OR10G4: variants seen among roughly 807,000 people sequenced by gnomAD.
OR10G4 encodes the protein olfactory receptor family 10 subfamily G member 4.
For synonymous variants in OR10G4, 130 were observed against 159.3 expected (o/e 0.82, Z 1.39); for missense variants, 318 against 388.8 (o/e 0.82, Z 1.53).
In OR10G4 at chr11:124,016,118, C is replaced by T. The variant is rs761865468; in HGVS notation, c.544C>T (p.Pro182Ser). Reference sequence around the variant, plus strand: ...CCAGCACTACTTCTGTGACGCACCGCCCATCCTGAAACTGGCCTGTGCAGA... The same window carrying T: ...CCAGCACTACTTCTGTGACGCACCGTCCATCCTGAAACTGGCCTGTGCAGA... ...QIQHYFCDAP[P>S]ILKLACADTS... is the part of the protein sequence containing the mutation. The change falls in exon 2 of 2, where the codon CCC becomes TCC. Residue 182 changes from proline (P) to serine (S), a missense_variant. Coordinates refer to ENST00000641722, the MANE Select transcript of OR10G4 (RefSeq NM_001004462.2). The T allele has an allele frequency of 1.9e-6, 3 of 1,613,990 alleles. No homozygotes were observed. The highest frequency in any genetic ancestry group is 2.5e-6 in the Non-Finnish European group (3 of 1,179,902).
chr11:124,016,034 C>A lies in OR10G4; in HGVS notation c.460C>A (p.His154Asn). 1.2e-6 allele frequency: 2 copies of A among 1,613,972 alleles called. No homozygotes were observed. The highest frequency in any genetic ancestry group is 2.2e-5 in the South Asian group (2 of 91,076). Reference sequence around the variant, plus strand: ...CGGCACTTGGCTCAGTGGCTCTCTGCACTCTGCTGTCCAGACCATATTGAC... The same window carrying A: ...CGGCACTTGGCTCAGTGGCTCTCTGAACTCTGCTGTCCAGACCATATTGAC... ...ATGTWLSGSLHSAVQTILTFH... is the reference protein window; with the variant it reads ...ATGTWLSGSLNSAVQTILTFH... Residue 154 changes from histidine to asparagine, a missense_variant, in exon 2 of 2, where the codon CAC becomes AAC. Transcript: ENST00000641722.
At position 124,018,392 on chromosome 11, in the gene OR10G4, C is replaced by T. The variant is rs2137555777; in HGVS notation, c.*1882C>T. 6.7e-6 allele frequency: 1 copy of T among 149,210 alleles called. No homozygotes were observed. The highest frequency in any genetic ancestry group is 6.7e-5 in the Admixed American group (1 of 14,860). The allele number at this position is 149,210 out of a possible 1,614,324, so 9.2% of individuals were successfully genotyped here. On this transcript the variant is annotated 3_prime_UTR_variant, in exon 2 of 2. Coordinates refer to ENST00000641722, the MANE Select transcript of OR10G4 (RefSeq NM_001004462.2). ...AAAGGCCCCCTTGTGTGATGTTCCC[C>T]TCCCTGTGTCCATGTGTTCTCATTG...
Position 124,015,646 on chromosome 11 carries a change from C to G in OR10G4, c.72C>G (p.Leu24=). 1.9e-6 allele frequency: 3 copies of G among 1,604,840 alleles called. No homozygotes were observed. The highest frequency in any genetic ancestry group is 1.1e-5 in the South Asian group (1 of 90,110). Residue 24 remains leucine (L), a synonymous_variant, in exon 2 of 2, where the codon CTC becomes CTG. Coordinates refer to ENST00000641722, the MANE Select transcript of OR10G4 (RefSeq NM_001004462.2). ...CCCATGCCCCAGGGCTGGACGCCCT[C>G]CTCTTTGGAATCTTCCTGGTGGTTT... ...GLPHAPGLDA[L]LFGIFLVVYV... is the part of the protein sequence containing the mutation.
In OR10G4 at chr11:124,015,663, T is replaced by C. The variant is rs182148733; in HGVS notation, c.89T>C (p.Leu30Pro). 1 of 1,608,296 alleles carries C rather than the reference T, an allele frequency of 6.2e-7. No individual in the cohort carries two copies. The highest frequency in any genetic ancestry group is 1.3e-5 in the African/African-American group (1 of 75,026). Residue 30 changes from leucine to proline, a missense_variant, in exon 2 of 2, where the codon CTG (leucine) becomes CCG (proline). Physicochemically the swap from Leu to Pro is moderately conservative, Grantham distance 98. Transcript: ENST00000641722. ...GACGCCCTCCTCTTTGGAATCTTCC[T>C]GGTGGTTTACGTGCTCACTGTGCTG... ...GLDALLFGIF[L>P]VVYVLTVLGN...
rs186743312 is a variant in OR10G4 at position 124,014,592 on chromosome 11, T to A, written c.-27-956T>A. On this transcript the variant is annotated intron_variant, in intron 1 of 1. Coordinates refer to ENST00000641722, the MANE Select transcript of OR10G4 (RefSeq NM_001004462.2). ...ACCTGGTACCTCAGTTGGAAATGCA[T>A]GTACGTATATATACATATATAACCT... 5.9e-5 allele frequency among the ~76,000 whole-genome samples: 9 copies of A among 152,348 alleles called. No homozygotes were observed. The East Asian group carries it at 1.5e-3, about 26-fold the overall frequency.
chr11:124,016,376 G>T lies in OR10G4; in HGVS notation c.802G>T (p.Asp268Tyr), dbSNP rs144812642. ...YLRPGSMDAM[D>Y]GVVAIFYTVL... Reference sequence around the variant, plus strand: ...GAGGCCAGGCTCCATGGATGCCATGGATGGAGTTGTGGCCATTTTCTACAC... The same window carrying T: ...GAGGCCAGGCTCCATGGATGCCATGTATGGAGTTGTGGCCATTTTCTACAC... The change falls in exon 2 of 2, where the codon GAT (aspartate) becomes TAT (tyrosine). Residue 268 changes from aspartate to tyrosine, a missense_variant. Coordinates refer to ENST00000641722, the MANE Select transcript of OR10G4 (RefSeq NM_001004462.2). 169 of 1,614,186 alleles carry T rather than the reference G, an allele frequency of 1.0e-4. No individual in the cohort carries two copies. Among genetic ancestry groups the T allele is most frequent in the Admixed American group, 5.2e-4 (31 of 60,018 alleles).
Position 124,016,761 on chromosome 11 carries a change from A to G in OR10G4, c.*251A>G. ...TAGGTTTATATTAAGTTTAAAACAT[A>G]TTTTAATCAAATCTCAGGGATAGAT... On this transcript the variant is annotated 3_prime_UTR_variant, in exon 2 of 2. Coordinates refer to ENST00000641722, the MANE Select transcript of OR10G4 (RefSeq NM_001004462.2). The G allele has an allele frequency of 3.4e-6, 1 of 296,446 alleles. No homozygotes were observed. Among genetic ancestry groups the G allele is most frequent in the Non-Finnish European group, 6.2e-6 (1 of 160,890 alleles). The allele number at this position is 296,446 out of a possible 1,614,324, so 18.4% of individuals were successfully genotyped here.
chr11:124,014,691 T>C (rs944486114), intron 1 of OR10G4, among the ~76,000 whole-genome samples: 1 of 152,218 alleles, frequency 6.6e-6, no homozygotes, highest in African/African-American at 2.4e-5. Context: ...ATGAGGAAAC[T>C]AGTGGATAAT....
Position 124,016,548 on chromosome 11 carries a change from G to A in OR10G4, c.*38G>A, listed in dbSNP as rs201198771. 1.0e-5 allele frequency: 15 copies of A among 1,448,630 alleles called. No homozygotes were observed. The East Asian group carries it at 2.7e-4, about 26-fold the overall frequency. The allele number at this position is 1,448,630 out of a possible 1,614,324, so 89.7% of individuals were successfully genotyped here. A position where few individuals can be genotyped will look rare whatever the true frequency, so the allele number is the denominator to read the frequency against. On this transcript the variant is annotated 3_prime_UTR_variant, in exon 2 of 2. Transcript: ENST00000641722. ...AAATACACTAGTTTGTTTAAAAATA[G>A]TAATCTAATTTAGTTATTCATGTGA...
intron 1 of OR10G4, chr11:124,015,327 A>G (rs1292726351): frequency 3.5e-6 from 2 of 570,026 alleles, no homozygotes; most frequent in African/African-American, 1.9e-5. Context: ...GTGTTTCTCT[A>G]CTTTCTTCTG....
chr11:124,015,114 C>T (rs1864003539), intron 1 of OR10G4: 1 of 176,988 alleles, frequency 5.7e-6, no homozygotes, highest in African/African-American at 2.4e-5. Context: ...GGGATACTGC[C>T]AACACCTGCA....
At chr11:124,014,482 C>G (rs760466027) in intron 1 of OR10G4, among the ~76,000 whole-genome samples, 3 of 152,188 alleles carry the variant, frequency 2.0e-5, no homozygotes, top group Non-Finnish European at 4.4e-5. Context: ...CCAGATGAAG[C>G]GATGCCTCGC....
At position 124,016,809 on chromosome 11, in the gene OR10G4, G is replaced by A. The variant is rs535299609; in HGVS notation, c.*299G>A. ...GATGATTAATTCATGTTTATAAATT[G>A]ATAAACGGTTTTTGTGTTTTGTTTG... is the stretch of plus-strand genomic sequence containing the variant. On this transcript the variant is annotated 3_prime_UTR_variant, in exon 2 of 2. Transcript: ENST00000641722. The A allele has an allele frequency of 6.8e-5, 14 of 204,808 alleles. No homozygotes were observed. In the South Asian group the frequency reaches 2.4e-3, roughly 35 times the overall value. 12.7% of individuals were successfully genotyped at this position (204,808 alleles called of 1,614,324 possible).
rs1864010545 is a variant in OR10G4, at chr11:124,015,726, C to T, written c.152C>T (p.Ser51Phe). ...LLILLVIRVD[S>F]HLHTPMYYFL... is the part of the protein sequence containing the mutation. ...ATCCTGCTGGTGATCAGGGTGGATT[C>T]TCACCTCCACACCCCCATGTACTAC... Residue 51 changes from serine (S) to phenylalanine (F), a missense_variant, in exon 2 of 2, where the codon TCT (serine) becomes TTT (phenylalanine). Physicochemically the swap from Ser to Phe is radical, Grantham distance 155. Transcript: ENST00000641722. 6.2e-7 allele frequency: 1 copy of T among 1,608,060 alleles called. No individual in the cohort carries two copies. Among genetic ancestry groups the T allele is most frequent in the Admixed American group, 1.7e-5 (1 of 59,672 alleles).
rs1864028029 is a variant in OR10G4, at chr11:124,017,087, G to C, written c.*577G>C. 6.6e-6 allele frequency: 1 copy of C among 151,976 alleles called. No individual in the cohort carries two copies. The highest frequency in any genetic ancestry group is 2.1e-4 in the South Asian group (1 of 4,818). The allele number at this position is 151,976 out of a possible 1,614,324, so 9.4% of individuals were successfully genotyped here. ...TATATTTATGTATGTGTATGTATTT[G>C]CCTATTTACATATATATCTGAAAAC... On this transcript the variant is annotated 3_prime_UTR_variant, in exon 2 of 2. Coordinates refer to ENST00000641722, the MANE Select transcript of OR10G4 (RefSeq NM_001004462.2).
Position 124,015,618 on chromosome 11 carries a change from T to A in OR10G4, c.44T>A (p.Leu15His), listed in dbSNP as rs112486799. ...GTGACAGCATTCATCCTCACAGGCCTTCCCCATGCCCCAGGGCTGGACGCC... is the reference window on the plus strand; with the variant it reads ...GTGACAGCATTCATCCTCACAGGCCATCCCCATGCCCCAGGGCTGGACGCC... Reference protein sequence around the residue: ...SLVTAFILTGLPHAPGLDALL... With the variant: ...SLVTAFILTGHPHAPGLDALL... The change falls in exon 2 of 2, where the codon CTT (leucine) becomes CAT (histidine). Residue 15 changes from leucine to histidine, a missense_variant. By Grantham distance (99) the Leu-to-His change is moderately conservative. Transcript: ENST00000641722. The A allele has an allele frequency of 1.2e-6, 2 of 1,602,446 alleles. No individual in the cohort carries two copies. Among genetic ancestry groups the A allele is most frequent in the African/African-American group, 2.7e-5 (2 of 75,040 alleles).
At position 124,018,192 on chromosome 11, in the gene OR10G4, C is replaced by A. The variant is rs1864036672; in HGVS notation, c.*1682C>A. ...TCTTGGAAAAAAATTAATTAAAATA[C>A]TTTTTTAAATTTATTTTTTATTATT... On this transcript the variant is annotated 3_prime_UTR_variant, in exon 2 of 2. Coordinates refer to ENST00000641722, the MANE Select transcript of OR10G4 (RefSeq NM_001004462.2). 1 of 152,108 alleles carries A rather than the reference C, an allele frequency of 6.6e-6. No homozygotes were observed. The highest frequency in any genetic ancestry group is 2.4e-5 in the African/African-American group (1 of 41,426). 9.4% of individuals were successfully genotyped at this position (152,108 alleles called of 1,614,324 possible). A position where few individuals can be genotyped will look rare whatever the true frequency, so the allele number is the denominator to read the frequency against.
rs781058103 is a variant in OR10G4, at chr11:124,016,223, T to G, written c.649T>G (p.Tyr217Asp). 8.4e-5 allele frequency: 135 copies of G among 1,614,138 alleles called. No individual in the cohort carries two copies. Among genetic ancestry groups the G allele is most frequent in the Non-Finnish European group, 1.1e-4 (127 of 1,180,058 alleles). Residue 217 changes from tyrosine to aspartate, a missense_variant, in exon 2 of 2, where the codon TAT (tyrosine) becomes GAT (aspartate). Tyr to Asp is a radical substitution (Grantham distance 160). Transcript: ENST00000641722. ...CTGCTTTGTCCTGATAGTGCTGTCC[T>G]ATGTGTCCATCGTCTGTTCCATCCT... is the stretch of plus-strand genomic sequence containing the variant. Reference protein sequence around the residue: ...SGCFVLIVLSYVSIVCSILRI... With the variant: ...SGCFVLIVLSDVSIVCSILRI...
rs943256645 is a variant in OR10G4 at position 124,013,032 on chromosome 11, T to A, written c.-108T>A. The A allele has an allele frequency of 4.6e-5, 7 of 152,198 alleles. No homozygotes were observed. The highest frequency in any genetic ancestry group is 1.7e-4 in the African/African-American group (7 of 41,446). The allele number at this position is 152,198 out of a possible 1,614,324, so 9.4% of individuals were successfully genotyped here. Reference sequence around the variant, plus strand: ...GAGTGATATCTTGCAAACTAGTGCCTATACGTAGTGGGTAGAAAGTGAAAA... The same window carrying A: ...GAGTGATATCTTGCAAACTAGTGCCAATACGTAGTGGGTAGAAAGTGAAAA... On this transcript the variant is annotated 5_prime_UTR_variant, in exon 1 of 2. Transcript: ENST00000641722.
Sources: gnomAD v4.1 joint callset for allele counts (sites outside exome capture counted in the v4.1 genomes callset) on GRCh38, gnomAD v4.1.1 for gene constraint, MANE v1.5 for transcripts, NCBI Gene and HGNC (gene_info 2026-07-23, HGNC 2026-07-21) for gene names.